The following LTBP1 variants were observed in gnomAD, a reference collection of about 807,000 sequenced individuals.
LTBP1 encodes the protein latent-transforming growth factor beta-binding protein 1.
LTBP1 carries 129 observed loss-of-function variants against 207.6 expected under a neutral mutation model. The ratio of observed to expected loss-of-function variants is 0.62; its 90% confidence interval spans 0.54 to 0.72. The LOEUF is 0.72. Ranked by LOEUF, LTBP1 falls within the 30% of genes least tolerant of loss-of-function variation. The pLI is 0.00. For missense variants in LTBP1, 2,281 were observed against 2,217.2 expected (o/e 1.03, Z -0.58); for synonymous variants, 963 against 833.7 (o/e 1.16, Z -2.67).
At chr2:32,948,463 A>G (rs1337443673) in intron 1 of LTBP1, among the ~76,000 whole-genome samples, 2 of 151,952 alleles carry the variant, frequency 1.3e-5, no homozygotes, top group Admixed American at 1.3e-4. Context: ...CTTAGTTGGC[A>G]TGTTTTTTTC....
At chr2:33,061,420 A>G (rs182919643) in intron 3 of LTBP1, 27 of 152,236 alleles carry the variant, frequency 1.8e-4, no homozygotes, top group Admixed American at 1.4e-3. Context: ...ATGTAATCCA[A>G]AACTCTATCA....
At chr2:33,168,551 G>A (rs2085138276) in intron 5 of LTBP1, among the ~76,000 whole-genome samples, 1 of 152,108 alleles carries the variant, frequency 6.6e-6, no homozygotes, top group Non-Finnish European at 1.5e-5. Flanking sequence ...AGAGCCATTT[G>A]AAACCAATCA....
chr2:33,274,619 T>C (rs2093389185), intron 16 of LTBP1, among the ~76,000 whole-genome samples: 1 of 152,214 alleles, frequency 6.6e-6, no homozygotes, highest in Non-Finnish European at 1.5e-5. Context: ...AGGAAGAGTC[T>C]CTTTCATGGC....
At chr2:33,273,530 C>A in intron 15 of LTBP1, 126 bp from the exon 16 acceptor site, 2 of 619,966 alleles carry the variant, frequency 3.2e-6, no homozygotes, top group Non-Finnish European at 5.3e-6. Flanking sequence ...TCACCTTTGT[C>A]TTCTAAATGT....
intron 24 of LTBP1, among the ~76,000 whole-genome samples, chr2:33,324,935 G>C (rs1356018969): frequency 1.3e-5 from 2 of 152,076 alleles, no homozygotes; most frequent in Non-Finnish European, 2.9e-5. Flanking sequence ...TCTATCTTCT[G>C]ACCTTGTAAT....
At chr2:33,031,124 AC>A (rs1469371638) in intron 3 of LTBP1, among the ~76,000 whole-genome samples, 1 of 152,196 alleles carries the variant, frequency 6.6e-6, no homozygotes, top group African/African-American at 2.4e-5. Context: ...TTTGGAAGAA[AC>A]GTCTTAAATT....
rs2149348917 is a variant in LTBP1, at chr2:33,034,707, C to T, written c.863+13501C>T. ...TGGGTTTGCTTTCTGGTTAGAGGTG[C>T]ACTGGTTATAGCTGATTATGTATAG... On this transcript the variant is annotated intron_variant, in intron 3 of 33. Transcript: ENST00000404816. 2.0e-5 allele frequency among the ~76,000 whole-genome samples: 3 copies of T among 152,212 alleles called. No individual in the cohort carries two copies. In the East Asian group the frequency reaches 5.8e-4, roughly 29 times the overall value.
Position 33,020,961 on chromosome 2 carries a change from C to CTG in LTBP1, c.626_627dup (p.Lys210ValfsTer13). 6.2e-7 allele frequency: 1 copy of CTG among 1,609,310 alleles called. No homozygotes were observed. Among genetic ancestry groups the CTG allele is most frequent in the Non-Finnish European group, 8.5e-7 (1 of 1,176,502 alleles). On this transcript the variant is annotated frameshift_variant, in exon 3 of 34. Transcript: ENST00000404816. LOFTEE classifies it high-confidence loss of function. ...GAGGGATGTGTCTCCGGCCACAACT[C>CTG]TGTGTGTGTAAACCAGGGACCAAGG...
intron 3 of LTBP1, among the ~76,000 whole-genome samples, chr2:33,084,444 G>A (rs889452343): frequency 2.0e-5 from 3 of 152,216 alleles, no homozygotes; most frequent in Non-Finnish European, 4.4e-5. Flanking sequence ...TCCTCATTGC[G>A]TCTGTAGCAG....
At chr2:33,214,168 A>T (rs1035217194) in intron 7 of LTBP1, among the ~76,000 whole-genome samples, 12 of 152,314 alleles carry the variant, frequency 7.9e-5, no homozygotes, top group African/African-American at 2.9e-4. Flanking sequence ...CATAAATTTT[A>T]TAAAACTGGA....
rs372282716 is a variant in LTBP1, at chr2:33,395,154, T to G, written c.4835-1979T>G. Among the ~76,000 whole-genome samples, 45 of 152,308 alleles carry G rather than the reference T, an allele frequency of 3.0e-4. No individual in the cohort carries two copies. The East Asian group carries it at 6.0e-3, about 20-fold the overall frequency. On this transcript the variant is annotated intron_variant, in intron 32 of 33. Transcript: ENST00000404816. Reference sequence around the variant, plus strand: ...ACTTCTACTGAGTGCAGACATTGTGTTCAATGTTGGGTATGCCATTCTACA... The same window carrying G: ...ACTTCTACTGAGTGCAGACATTGTGGTCAATGTTGGGTATGCCATTCTACA...
chr2:32,984,846 G>A (rs1205439245), intron 2 of LTBP1, among the ~76,000 whole-genome samples: 4 of 152,182 alleles, frequency 2.6e-5, no homozygotes, highest in African/African-American at 4.8e-5. Flanking sequence ...CAGGAGAATC[G>A]CTTGAACCCA....
In LTBP1 at chr2:33,363,591, T is replaced by A. The variant is rs541154524; in HGVS notation, c.4399+73T>A. Reference sequence around the variant, plus strand: ...TGGAAAAAATAACTATGCTATGTAGTAAAAACAATTTCCTTGAATCTAAAT... The same window carrying A: ...TGGAAAAAATAACTATGCTATGTAGAAAAAACAATTTCCTTGAATCTAAAT... On this transcript the variant is annotated intron_variant, in intron 29 of 33. Transcript: ENST00000404816. 23 of 1,439,918 alleles carry A rather than the reference T, an allele frequency of 1.6e-5. No individual in the cohort carries two copies. In the South Asian group the frequency reaches 2.7e-4, roughly 17 times the overall value. The allele number at this position is 1,439,918 out of a possible 1,614,324, so 89.2% of individuals were successfully genotyped here. A position where few individuals can be genotyped will look rare whatever the true frequency, so the allele number is the denominator to read the frequency against.
rs767698486 is a variant in LTBP1 at position 33,021,130 on chromosome 2, G to C, written c.787G>C (p.Val263Leu). Residue 263 changes from valine (V) to leucine (L), a missense_variant, in exon 3 of 34, where the codon GTC (valine) becomes CTC (leucine). Transcript: ENST00000404816. ...TAAGAAGGCAGACACTCTACCAAGA[G>C]TCAGCCCTGTGGCCCAGATGACCTT... ...SSKKADTLPR[V>L]SPVAQMTLTL... The C allele has an allele frequency of 6.2e-7, 1 of 1,613,818 alleles. No individual in the cohort carries two copies. The highest frequency in any genetic ancestry group is 8.5e-7 in the Non-Finnish European group (1 of 1,179,922).
At chr2:33,348,297 G>A (rs1333018283) in intron 26 of LTBP1, among the ~76,000 whole-genome samples, 1 of 152,078 alleles carries the variant, frequency 6.6e-6, no homozygotes, top group Non-Finnish European at 1.5e-5. Flanking sequence ...GTGTAAAATA[G>A]CTATCTTTGC....
At chr2:33,296,192 T>A (rs1034008813) in intron 20 of LTBP1, among the ~76,000 whole-genome samples, 1 of 152,188 alleles carries the variant, frequency 6.6e-6, no homozygotes. Context: ...TTTATTTTCA[T>A]ATCCTGCCAT....
At chr2:33,180,872 C>G (rs1036998046) in intron 5 of LTBP1, among the ~76,000 whole-genome samples, 2 of 152,138 alleles carry the variant, frequency 1.3e-5, no homozygotes, top group African/African-American at 4.8e-5. Context: ...ACTTAACTTT[C>G]TAAAAATATT....
intron 9 of LTBP1, among the ~76,000 whole-genome samples, chr2:33,231,560 C>T (rs1017167354): frequency 4.6e-4 from 70 of 152,088 alleles, no homozygotes; most frequent in African/African-American, 1.6e-3. Context: ...TTAATGATTA[C>T]CAAAAAAATA....
intron 2 of LTBP1, among the ~76,000 whole-genome samples, chr2:32,960,153 A>G (rs1231233409): frequency 2.0e-5 from 3 of 152,172 alleles, no homozygotes; most frequent in Non-Finnish European, 4.4e-5. Flanking sequence ...CAAGCAGATT[A>G]ATGAACTCCT....
Sources: gnomAD v4.1 joint callset for allele counts (sites outside exome capture counted in the v4.1 genomes callset) on GRCh38, gnomAD v4.1.1 for gene constraint, MANE v1.5 for transcripts, NCBI Gene and HGNC (gene_info 2026-07-23, HGNC 2026-07-21) for gene names.